Variants in DDX46 observed in about 807,000 individuals in gnomAD.
DDX46 encodes DEAD-box helicase 46.
In DDX46, 30 loss-of-function variants were observed where a neutral mutation model predicts 134.9. That is an observed-to-expected ratio of 0.22 (90% CI 0.17 to 0.30). The LOEUF (loss-of-function observed/expected upper bound fraction) is 0.30, where lower values mean the gene tolerates loss of function less well. DDX46 is among the 10% of genes least tolerant of loss of function. The pLI is 1.00. For synonymous variants in DDX46, 415 were observed against 404.1 expected (o/e 1.03, Z -0.32); for missense variants, 622 against 1,248.7 (o/e 0.50, Z 7.56).
At chr5:134,769,548 T>G (rs1580774659) in intron 3 of DDX46, among the ~76,000 whole-genome samples, 1 of 150,238 alleles carries the variant, frequency 6.7e-6, no homozygotes, top group Non-Finnish European at 1.5e-5. Context: ...TTTGTTTTTT[T>G]TTTTTTTTTG....
intron 1 of DDX46, among the ~76,000 whole-genome samples, chr5:134,760,639 G>T (rs1028877360): frequency 1.1e-4 from 17 of 152,214 alleles, no homozygotes; most frequent in Admixed American, 2.0e-4. Flanking sequence ...AGATATGTCT[G>T]ATATAGAATA....
chr5:134,790,003 G>A (rs900129248), intron 12 of DDX46: 1 of 445,678 alleles, frequency 2.2e-6, no homozygotes, highest in African/African-American at 2.0e-5. Context: ...TATGGAAGTA[G>A]GTTATAAAAT....
chr5:134,764,230 G>T, intron 2 of DDX46, 138 bp downstream of exon 2: 1 of 743,786 alleles, frequency 1.3e-6, no homozygotes. Context: ...CTACTTGTTT[G>T]ATTAGACCCA....
At chr5:134,788,614 G>T (rs748396683) in intron 12 of DDX46, 23 bp downstream of exon 12, 7 of 1,603,896 alleles carry the variant, frequency 4.4e-6, no homozygotes, top group Non-Finnish European at 6.0e-6. Context: ...TATTTTTTTG[G>T]TGTCTTTTAT....
At chr5:134,773,290 T>C (rs1056400315) in intron 4 of DDX46, among the ~76,000 whole-genome samples, 3 of 152,138 alleles carry the variant, frequency 2.0e-5, no homozygotes, top group Non-Finnish European at 4.4e-5. Context: ...TAATAGAAAA[T>C]TGCTTTTCAT....
At chr5:134,759,655 G>A (rs1416856815) in intron 1 of DDX46, among the ~76,000 whole-genome samples, 1 of 152,078 alleles carries the variant, frequency 6.6e-6, no homozygotes, top group Admixed American at 6.6e-5. Context: ...TATGTATTTA[G>A]CAATGACTGA....
At chr5:134,773,586 CCTT>C (rs1310822699) in intron 4 of DDX46, 107 bp from the exon 5 acceptor site, 4 of 1,279,258 alleles carry the variant, frequency 3.1e-6, no homozygotes, top group South Asian at 3.5e-5. Flanking sequence ...CCTTTTTTCC[CCTT>C]CTTTATACTT....
chr5:134,782,808 T>C, intron 8 of DDX46, 137 bp from the exon 9 acceptor site: 2 of 1,062,140 alleles, frequency 1.9e-6, no homozygotes, highest in South Asian at 1.8e-5. Context: ...CCCAAAGTGC[T>C]AGTTGCTAGG....
intron 12 of DDX46, chr5:134,789,387 C>T (rs1479897687): frequency 1.3e-5 from 2 of 152,246 alleles, no homozygotes; most frequent in East Asian, 1.9e-4. Context: ...AGAAAATGCT[C>T]TCAGAGGTTT....
At chr5:134,771,113 T>A in intron 4 of DDX46, 114 bp downstream of exon 4, 1 of 570,054 alleles carries the variant, frequency 1.8e-6, no homozygotes, top group Non-Finnish European at 3.1e-6. Context: ...CTTTTCTGTC[T>A]GTCTTTCTTT....
chr5:134,806,123 G>T (rs1274392911), intron 15 of DDX46, among the ~76,000 whole-genome samples: 1 of 151,874 alleles, frequency 6.6e-6, no homozygotes, highest in African/African-American at 2.4e-5. Flanking sequence ...TGAGGCAGGA[G>T]AATCGCTTGA....
intron 21 of DDX46, among the ~76,000 whole-genome samples, chr5:134,824,205 C>T (rs913896742): frequency 6.6e-6 from 1 of 152,170 alleles, no homozygotes; most frequent in African/African-American, 2.4e-5. Context: ...AATTTACACT[C>T]AGGAAATAAC....
intron 15 of DDX46, chr5:134,804,982 G>T: frequency 2.7e-6 from 1 of 374,024 alleles, no homozygotes; most frequent in South Asian, 2.4e-5. Flanking sequence ...AGTCTGCATG[G>T]GCACATGCCA....
rs570389226 is a variant in DDX46 at position 134,771,131 on chromosome 5, T to C, written c.447+132T>C. ...TTCTGTCTGTCTTTCTTTCTGTCTT[T>C]CTTTCTGTCTGTCTCTGTTGCCCAG... On this transcript the variant is annotated intron_variant, in intron 4 of 22. Transcript: ENST00000452510. The C allele has an allele frequency of 1.3e-5, 7 of 547,628 alleles. No homozygotes were observed. The East Asian group carries it at 2.1e-4, about 16-fold the overall frequency. 33.9% of individuals were successfully genotyped at this position (547,628 alleles called of 1,614,324 possible). A position where few individuals can be genotyped will look rare whatever the true frequency, so the allele number is the denominator to read the frequency against.
At chr5:134,799,569 C>G (rs1035548111) in intron 15 of DDX46, among the ~76,000 whole-genome samples, 20 of 151,906 alleles carry the variant, frequency 1.3e-4, no homozygotes, top group African/African-American at 4.8e-4. Context: ...GAAACCTTGT[C>G]TCTACTAAAA....
intron 11 of DDX46, among the ~76,000 whole-genome samples, chr5:134,787,103 T>C (rs1301535217): frequency 6.6e-6 from 1 of 152,062 alleles, no homozygotes; most frequent in East Asian, 1.9e-4. Context: ...TTGTATTTTT[T>C]TGTAGAGACG....
intron 16 of DDX46, among the ~76,000 whole-genome samples, chr5:134,808,478 A>G (rs922951235): frequency 6.6e-6 from 1 of 152,176 alleles, no homozygotes; most frequent in Non-Finnish European, 1.5e-5. Context: ...TCAAAGTACA[A>G]TTTCTACTGA....
At chr5:134,781,096 G>T in intron 6 of DDX46, 37 bp from the exon 7 acceptor site, 2 of 1,471,676 alleles carry the variant, frequency 1.4e-6, no homozygotes, top group South Asian at 2.6e-5. Flanking sequence ...TTGTGTTTCA[G>T]CTTTGCAAAA....
Position 134,829,624 on chromosome 5 carries a change from G to A in DDX46, c.*918G>A, listed in dbSNP as rs1407119470. ...TGGTACCCAAGTTTTAAACTTAGAT[G>A]TGCTTCATCTTAGTGAAATTTAATT... On this transcript the variant is annotated 3_prime_UTR_variant, in exon 23 of 23. Transcript: ENST00000452510. 3 of 152,132 alleles carry A rather than the reference G, an allele frequency of 2.0e-5. No homozygotes were observed. Among genetic ancestry groups the A allele is most frequent in the Non-Finnish European group, 2.9e-5 (2 of 68,032 alleles). 9.4% of individuals were successfully genotyped at this position (152,132 alleles called of 1,614,324 possible). A position where few individuals can be genotyped will look rare whatever the true frequency, so the allele number is the denominator to read the frequency against.
Sources: allele counts gnomAD v4.1 joint callset (sites outside exome capture counted in the v4.1 genomes callset), GRCh38; gene constraint gnomAD v4.1.1; transcripts MANE v1.5; gene names NCBI Gene and HGNC (gene_info 2026-07-23, HGNC 2026-07-21).